LDLRAD4: variants seen among roughly 807,000 people sequenced by gnomAD.
LDLRAD4 encodes the protein low density lipoprotein receptor class A domain containing 4.
Under a neutral mutation model 17.0 loss-of-function variants are expected in LDLRAD4, and 5 were observed. That is an observed-to-expected ratio of 0.29 (90% CI 0.15 to 0.62). LDLRAD4 has a LOEUF of 0.62. LDLRAD4 is among the 20% of genes least tolerant of loss of function. The pLI is 0.84. For missense variants in LDLRAD4, 340 were observed against 424.7 expected (o/e 0.80, Z 1.75); for synonymous variants, 168 against 171.8 (o/e 0.98, Z 0.17).
In LDLRAD4 at chr18:13,246,750, C is replaced by T. The variant is rs765301653; in HGVS notation, c.-467+27762C>T. Among the ~76,000 whole-genome samples the T allele has an allele frequency of 1.2e-3, 187 of 152,240 alleles. 1 individual carries two copies. Among genetic ancestry groups the T allele is most frequent in the Non-Finnish European group, 2.2e-3 (152 of 68,024 alleles). On this transcript the variant is annotated intron_variant, in intron 1 of 5. Transcript: ENST00000399848. ...TGTCAGAGGCTGTCTTCTCCTGTTG[C>T]GACATTTAGCAGACCAGGTCTGCAC...
upstream of LDLRAD4, among the ~76,000 whole-genome samples, chr18:13,277,165 A>C (rs1407425832): frequency 3.3e-5 from 5 of 152,134 alleles, no homozygotes; most frequent in Non-Finnish European, 7.4e-5. Flanking sequence ...CTGTCTTTAC[A>C]TGGGCTGATC....
At chr18:13,312,696 C>T (rs2047305675) in intron 1 of LDLRAD4, among the ~76,000 whole-genome samples, 1 of 152,048 alleles carries the variant, frequency 6.6e-6, no homozygotes, top group Admixed American at 6.5e-5. Flanking sequence ...GAGCTGTGAT[C>T]GCACCACCGC....
chr18:13,233,900 G>GC (rs1269086892), intron 1 of LDLRAD4, among the ~76,000 whole-genome samples: 1 of 151,798 alleles, frequency 6.6e-6, no homozygotes, highest in African/African-American at 2.4e-5. Context: ...CTGCCCCTCA[G>GC]CCCCCCAGCC....
intron 1 of LDLRAD4, among the ~76,000 whole-genome samples, chr18:13,244,825 T>C (rs946680370): frequency 2.6e-5 from 4 of 152,198 alleles, no homozygotes; most frequent in African/African-American, 9.7e-5. Context: ...AGATTTGCTG[T>C]CTTCATGGAC....
At chr18:13,313,547 C>T (rs2080766877) in intron 1 of LDLRAD4, among the ~76,000 whole-genome samples, 1 of 152,200 alleles carries the variant, frequency 6.6e-6, no homozygotes, top group African/African-American at 2.4e-5. Flanking sequence ...AAGCACTAGC[C>T]CACAACCCAG....
At chr18:13,383,576 T>A (rs941743244) in intron 1 of LDLRAD4, among the ~76,000 whole-genome samples, 3 of 152,212 alleles carry the variant, frequency 2.0e-5, no homozygotes, top group Non-Finnish European at 4.4e-5. Context: ...TTTGTTCAGC[T>A]CCTCCAACTT....
At chr18:13,623,664 G>T (rs2040860574) in intron 4 of LDLRAD4, among the ~76,000 whole-genome samples, 1 of 152,218 alleles carries the variant, frequency 6.6e-6, no homozygotes, top group Admixed American at 6.5e-5. Flanking sequence ...CCAGTTGATG[G>T]TTCCCCAAAA....
intron 3 of LDLRAD4, among the ~76,000 whole-genome samples, chr18:13,443,744 C>G (rs1272079208): frequency 1.3e-5 from 2 of 150,676 alleles, no homozygotes; most frequent in African/African-American, 2.4e-5. Flanking sequence ...CCTTTTGTGA[C>G]TTTGGGTGGA....
chr18:13,344,426 T>C (rs2082558082), intron 1 of LDLRAD4, among the ~76,000 whole-genome samples: 1 of 152,246 alleles, frequency 6.6e-6, no homozygotes, highest in African/African-American at 2.4e-5. Flanking sequence ...GGCTCTGTTC[T>C]GTTCCATTGG....
At chr18:13,610,261 C>T (rs1181080395) in intron 3 of LDLRAD4, among the ~76,000 whole-genome samples, 1 of 100,876 alleles carries the variant, frequency 9.9e-6, no homozygotes, top group Admixed American at 9.7e-5. Context: ...TCACCAAAGC[C>T]CTAATTTTTT....
chr18:13,345,784 A>C (rs924230149), intron 1 of LDLRAD4, among the ~76,000 whole-genome samples: 13 of 152,130 alleles, frequency 8.5e-5, no homozygotes, highest in Non-Finnish European at 1.6e-4. Context: ...CAGAGATTCA[A>C]CTTCTTCCTG....
intron 3 of LDLRAD4, among the ~76,000 whole-genome samples, chr18:13,551,705 T>A (rs907585255): frequency 1.3e-5 from 2 of 152,236 alleles, no homozygotes; most frequent in Non-Finnish European, 2.9e-5. Context: ...GGGAAACCAG[T>A]TGCAGACATG....
intron 1 of LDLRAD4, among the ~76,000 whole-genome samples, chr18:13,322,678 C>A (rs769955070): frequency 6.6e-6 from 1 of 151,862 alleles, no homozygotes; most frequent in African/African-American, 2.4e-5. Flanking sequence ...AGTGCAGTGG[C>A]GCGATCTCAG....
intron 3 of LDLRAD4, among the ~76,000 whole-genome samples, chr18:13,590,255 G>C (rs558720649): frequency 5.3e-5 from 8 of 150,814 alleles, no homozygotes; most frequent in Non-Finnish European, 1.2e-4. Flanking sequence ...GAGGGGGATA[G>C]GTGTGTATAT....
At chr18:13,468,509 C>T (rs2092684993) in intron 3 of LDLRAD4, among the ~76,000 whole-genome samples, 1 of 152,036 alleles carries the variant, frequency 6.6e-6, no homozygotes, top group African/African-American at 2.4e-5. Flanking sequence ...GGTGTATACC[C>T]AAAGGAATAT....
intron 1 of LDLRAD4, chr18:13,279,866 C>T (rs957330518): frequency 6.6e-6 from 1 of 152,240 alleles, no homozygotes; most frequent in Non-Finnish European, 1.5e-5. Context: ...ACTTTCACAC[C>T]TCTAAAATAG....
intron 2 of LDLRAD4, among the ~76,000 whole-genome samples, chr18:13,395,967 C>T (rs2086657611): frequency 6.6e-6 from 1 of 152,144 alleles, no homozygotes; most frequent in Non-Finnish European, 1.5e-5. Flanking sequence ...GGAGTCGTCA[C>T]AGGCCAAGGG....
At chr18:13,544,525 T>A (rs1476456365) in intron 3 of LDLRAD4, among the ~76,000 whole-genome samples, 2 of 152,232 alleles carry the variant, frequency 1.3e-5, no homozygotes, top group Non-Finnish European at 2.9e-5. Context: ...GGCCCAGGAC[T>A]GGCTCACCTT....
chr18:13,644,744 G>C, intron 5 of LDLRAD4: 1 of 196,542 alleles, frequency 5.1e-6, no homozygotes, highest in Admixed American at 5.5e-5. Flanking sequence ...TGTCACTGGT[G>C]ACCAGATCCA....
Sources: allele counts gnomAD v4.1 joint callset (sites outside exome capture counted in the v4.1 genomes callset), GRCh38; gene constraint gnomAD v4.1.1; transcripts MANE v1.5; gene names NCBI Gene and HGNC (gene_info 2026-07-23, HGNC 2026-07-21).